PDE1C: variants seen among roughly 807,000 people sequenced by gnomAD.
PDE1C encodes phosphodiesterase 1C.
A neutral mutation model predicts 93.1 loss-of-function variants in PDE1C; 62 were observed. The ratio of observed to expected loss-of-function variants is 0.67; its 90% CI spans 0.54 to 0.82. The LOEUF (loss-of-function observed/expected upper bound fraction) is 0.82, where lower values mean the gene tolerates loss of function less well. PDE1C is among the 40% of genes least tolerant of loss of function. The pLI, the probability that PDE1C is intolerant of heterozygous loss-of-function variation, is 0.00. For missense variants in PDE1C, 742 were observed against 884.6 expected (o/e 0.84, Z 2.04); for synonymous variants, 325 against 310.1 (o/e 1.05, Z -0.50).
At chr7:32,216,914 C>G (rs754109788) in intron 1 of PDE1C, among the ~76,000 whole-genome samples, 1 of 152,116 alleles carries the variant, frequency 6.6e-6, no homozygotes, top group African/African-American at 2.4e-5. Flanking sequence ...CTTTATGCCT[C>G]TAGCCCCAGT....
intron 1 of PDE1C, among the ~76,000 whole-genome samples, chr7:32,239,738 G>C (rs1005218723): frequency 6.6e-6 from 1 of 152,182 alleles, no homozygotes. Flanking sequence ...AGGTCACAGA[G>C]AGCTCTGACT....
intron 3 of PDE1C, among the ~76,000 whole-genome samples, chr7:32,093,050 T>C (rs1460815838): frequency 6.6e-6 from 1 of 152,202 alleles, no homozygotes; most frequent in Non-Finnish European, 1.5e-5. Context: ...CAGGTTTAAA[T>C]GCAAGAAAGT....
chr7:31,999,445 A>G (rs943136224), intron 2 of PDE1C, among the ~76,000 whole-genome samples: 1 of 152,182 alleles, frequency 6.6e-6, no homozygotes, highest in African/African-American at 2.4e-5. Flanking sequence ...GGGTAAGGGC[A>G]GGGGAACTGT....
At chr7:31,941,210 C>A (rs1805797866) in intron 2 of PDE1C, 1 of 153,148 alleles carries the variant, frequency 6.5e-6, no homozygotes, top group African/African-American at 2.4e-5. Flanking sequence ...AGCAAAACAC[C>A]AAAGACAATA....
the PDE1C span, among the ~76,000 whole-genome samples, chr7:31,661,002 G>A: frequency 6.6e-6 from 1 of 152,062 alleles, no homozygotes; most frequent in Non-Finnish European, 1.5e-5. Context: ...AAAGAAATGT[G>A]ATGAAGTTCC....
At chr7:31,943,826 C>T (rs1355025411) in intron 2 of PDE1C, among the ~76,000 whole-genome samples, 1 of 151,702 alleles carries the variant, frequency 6.6e-6, no homozygotes, top group African/African-American at 2.4e-5. Flanking sequence ...GAATCCCCAC[C>T]AATGAAAAAA....
chr7:32,084,895 AAGC>A (rs1796967364), intron 3 of PDE1C, among the ~76,000 whole-genome samples: 1 of 148,188 alleles, frequency 6.7e-6, no homozygotes, highest in Non-Finnish European at 1.5e-5. Context: ...CCACAAGAGA[AAGC>A]AGGAAAGATC....
chr7:31,886,736 A>G (rs539502162), intron 2 of PDE1C, among the ~76,000 whole-genome samples: 2 of 36,968 alleles, frequency 5.4e-5, no homozygotes, highest in South Asian at 1.9e-3. Flanking sequence ...CAGACTCTGC[A>G]TGGAGAGAGC....
At chr7:31,692,440 T>C in the PDE1C span, 1 of 1,605,210 alleles carries the variant, frequency 6.2e-7, no homozygotes, top group Admixed American at 1.7e-5. Flanking sequence ...CACCCTCCTT[T>C]GATGATGTCC....
chr7:32,199,866 C>T (rs1351995695), intron 2 of PDE1C, among the ~76,000 whole-genome samples: 2 of 152,126 alleles, frequency 1.3e-5, no homozygotes, highest in Admixed American at 6.5e-5. Context: ...CACATCTGAC[C>T]TCACATGACA....
chr7:31,718,198 C>T, the PDE1C span, among the ~76,000 whole-genome samples: 55 of 152,194 alleles, frequency 3.6e-4, no homozygotes, highest in South Asian at 0.011. Context: ...TCCTTCCCCA[C>T]AGAACATCCA....
At chr7:31,986,927 CG>C (rs1783481397) in intron 2 of PDE1C, among the ~76,000 whole-genome samples, 2 of 120,762 alleles carry the variant, frequency 1.7e-5, no homozygotes, top group Non-Finnish European at 3.5e-5. Flanking sequence ...TCATTGAACA[CG>C]AACACACACA....
rs2128593869 is a variant in PDE1C at position 31,753,187 on chromosome 7, A to G, written c.*197T>C. On this transcript the variant is annotated 3_prime_UTR_variant, in exon 18 of 18. Transcript: ENST00000396191. The stretch of plus-strand genomic sequence containing the variant: ...TGGCGTCTGGGCTGATCCCACATAC[A>G]GCAATTGAAAAGTCTATACAAGAAC... 3.7e-6 allele frequency: 2 copies of G among 533,834 alleles called. No individual in the cohort carries two copies. Among genetic ancestry groups the G allele is most frequent in the Non-Finnish European group, 6.1e-6 (2 of 327,302 alleles). The allele number at this position is 533,834 out of a possible 1,614,324, so 33.1% of individuals were successfully genotyped here. A position where few individuals can be genotyped will look rare whatever the true frequency, so the allele number is the denominator to read the frequency against.
chr7:31,701,639 T>C, the PDE1C span, among the ~76,000 whole-genome samples: 1 of 152,212 alleles, frequency 6.6e-6, no homozygotes, highest in Non-Finnish European at 1.5e-5. Context: ...CAAACTCTAT[T>C]GTTAAAGGAA....
At chr7:32,233,208 G>A (rs1187138061) in intron 1 of PDE1C, among the ~76,000 whole-genome samples, 1 of 152,072 alleles carries the variant, frequency 6.6e-6, no homozygotes, top group African/African-American at 2.4e-5. Flanking sequence ...AACATTATAG[G>A]TGAAAGAAAA....
At chr7:32,295,657 C>T (rs1299869951) in intron 1 of PDE1C, among the ~76,000 whole-genome samples, 1 of 152,028 alleles carries the variant, frequency 6.6e-6, no homozygotes, top group Non-Finnish European at 1.5e-5. Context: ...TTTGGGAGAC[C>T]GAGGTGGGTG....
rs531757529 is a variant in PDE1C, at chr7:32,127,500, C to A, written c.308+42285G>T. On this transcript the variant is annotated intron_variant, in intron 3 of 18. Coordinates refer to the PDE1C transcript ENST00000396193. ...CAACCAAAGACATAATAGAAAAAAA[C>A]TTTCCTGGGTTAATCTTCAAATGCT... 5.3e-5 allele frequency among the ~76,000 whole-genome samples: 8 copies of A among 152,118 alleles called. No homozygotes were observed. The South Asian group carries it at 1.7e-3, about 32-fold the overall frequency.
chr7:31,726,526 A>G, the PDE1C span, among the ~76,000 whole-genome samples: 1 of 152,166 alleles, frequency 6.6e-6, no homozygotes, highest in Non-Finnish European at 1.5e-5. Context: ...ACAGAACACA[A>G]CCGTCAGACA....
intron 1 of PDE1C, among the ~76,000 whole-genome samples, chr7:32,387,847 G>A (rs691631): frequency 0.79 from 109,968 of 139,116 alleles, 43,085 homozygotes; most frequent in East Asian, 0.96. Flanking sequence ...GCGGCTGGCC[G>A]GGCAGGGGGC....
Sources: allele counts gnomAD v4.1 joint callset (sites outside exome capture counted in the v4.1 genomes callset), GRCh38; gene constraint gnomAD v4.1.1; transcripts MANE v1.5; gene names NCBI Gene and HGNC (gene_info 2026-07-23, HGNC 2026-07-21).